The following DNAH7 variants were observed in gnomAD, a reference collection of about 807,000 sequenced individuals.
DNAH7 encodes axonemal beta dynein heavy chain 7.
Under a neutral mutation model 444.6 loss-of-function variants are expected in DNAH7, and 397 were observed. The observed-to-expected ratio is 0.89, with a 90% CI of 0.82 to 0.97. The LOEUF is 0.97. DNAH7 is among the 50% of genes least tolerant of loss of function. The pLI, the probability that DNAH7 is intolerant of heterozygous loss-of-function variation, is 0.00. For synonymous variants in DNAH7, 1,636 were observed against 1,624.4 expected (o/e 1.01, Z -0.17); for missense variants, 4,902 against 4,800.8 (o/e 1.02, Z -0.62).
rs752264334 is a variant in DNAH7, at chr2:195,845,164, T to C, written c.8783A>G (p.Asn2928Ser). The C allele has an allele frequency of 1.5e-4, 235 of 1,606,064 alleles. No homozygotes were observed. The highest frequency in any genetic ancestry group is 2.0e-4 in the Non-Finnish European group (231 of 1,177,102). The change falls in exon 47 of 65, where the codon AAT becomes AGT. Residue 2928 changes from asparagine to serine, a missense_variant and splice_region_variant. By Grantham distance (46) the Asn-to-Ser change is conservative (BLOSUM62 1). Transcript: ENST00000312428. Reference sequence around the variant, plus strand: ...CAAAGTTGTCCACTCTTTAGTTTGATTCTTTAGAACATCCACAGAAAGATA... The same window carrying C: ...CAAAGTTGTCCACTCTTTAGTTTGACTCTTTAGAACATCCACAGAAAGATA... The part of the protein sequence containing the change: ...LGAFTSTYRQ[N>S]QTKEWTTLCK...
intron 46 of DNAH7, among the ~76,000 whole-genome samples, chr2:195,852,915 C>CAGAG (rs201538951): frequency 1.4e-3 from 116 of 84,690 alleles, no homozygotes; most frequent in Middle Eastern, 7.0e-3. Context: ...CACACACACA[C>CAGAG]AGAGAGAGAG....
At chr2:196,061,979 C>T (rs989063279) in intron 1 of DNAH7, among the ~76,000 whole-genome samples, 22 of 152,320 alleles carry the variant, frequency 1.4e-4, no homozygotes, top group African/African-American at 5.3e-4. Flanking sequence ...ATCTACCTAA[C>T]AGCCTAGTCT....
chr2:195,963,379 C>G (rs1446519430), intron 17 of DNAH7, among the ~76,000 whole-genome samples: 3 of 152,164 alleles, frequency 2.0e-5, no homozygotes, highest in Admixed American at 6.5e-5. Context: ...GAACACCTTT[C>G]CAAATGTCTA....
intron 24 of DNAH7, among the ~76,000 whole-genome samples, chr2:195,917,788 A>G (rs1438789777): frequency 1.3e-5 from 2 of 152,196 alleles, no homozygotes; most frequent in South Asian, 2.1e-4. Context: ...CAATGTAGCT[A>G]GGACTAAAGG....
chr2:196,066,973 T>A (rs536477957), intron 1 of DNAH7, among the ~76,000 whole-genome samples: 3 of 152,116 alleles, frequency 2.0e-5, no homozygotes, highest in Non-Finnish European at 4.4e-5. Flanking sequence ...ACCAAAACAG[T>A]GATAGAGGGC....
At chr2:195,989,286 C>T (rs1469118462) in intron 12 of DNAH7, among the ~76,000 whole-genome samples, 1 of 152,194 alleles carries the variant, frequency 6.6e-6, no homozygotes. Context: ...ATTGGCTGCA[C>T]TCATTTACAT....
intron 15 of DNAH7, among the ~76,000 whole-genome samples, chr2:195,975,913 G>A (rs1301608732): frequency 6.6e-6 from 1 of 152,158 alleles, no homozygotes; most frequent in Non-Finnish European, 1.5e-5. Context: ...AGGAGCAGTA[G>A]CCAGTTAGGA....
chr2:195,992,508 T>G (rs991375507), intron 12 of DNAH7, among the ~76,000 whole-genome samples: 1 of 152,190 alleles, frequency 6.6e-6, no homozygotes, highest in Non-Finnish European at 1.5e-5. Context: ...GCTTTTGTGT[T>G]TTTTTGTTTG....
rs1698907712 is a variant in DNAH7 at position 195,845,113 on chromosome 2, G to A, written c.8834C>T (p.Ser2945Leu). 10 of 1,613,750 alleles carry A rather than the reference G, an allele frequency of 6.2e-6. No homozygotes were observed. Among genetic ancestry groups the A allele is most frequent in the Non-Finnish European group, 8.5e-6 (10 of 1,179,832 alleles). Reference protein sequence around the residue: ...TLCKGRDIPCSDDCSLMGTLG... With the variant: ...TLCKGRDIPCLDDCSLMGTLG... ...GGTACCCATAAGAGAGCAATCATCTGAGCAGGGGATATCTCTTCCTTTGCA... is the reference window on the plus strand; with the variant it reads ...GGTACCCATAAGAGAGCAATCATCTAAGCAGGGGATATCTCTTCCTTTGCA... The change falls in exon 47 of 65, where the codon TCA becomes TTA. Residue 2945 changes from serine (S) to leucine (L), a missense_variant. Physicochemically the swap from Ser to Leu is moderately radical, Grantham distance 145. Transcript: ENST00000312428.
chr2:196,000,595 CATT>C (rs1693973599), intron 12 of DNAH7, 106 bp downstream of exon 12: 1 of 952,386 alleles, frequency 1.0e-6, no homozygotes, highest in Non-Finnish European at 1.4e-6. Flanking sequence ...TATAAGCCAA[CATT>C]ATTATATTCT....
chr2:195,771,638 T>C, intron 61 of DNAH7, 22 bp downstream of exon 61: 1 of 1,553,664 alleles, frequency 6.4e-7, no homozygotes, highest in Non-Finnish European at 8.9e-7. Context: ...ATGGGGGTTT[T>C]TTTTGGTGTT....
chr2:196,045,083 G>A (rs999231942), intron 5 of DNAH7, among the ~76,000 whole-genome samples: 2 of 150,984 alleles, frequency 1.3e-5, no homozygotes, highest in African/African-American at 4.9e-5. Context: ...GAGAGGGAGA[G>A]AAGAAAAGAA....
At chr2:195,834,516 G>A (rs762387402) in intron 47 of DNAH7, 156 bp from the exon 48 acceptor site, 48 of 765,094 alleles carry the variant, frequency 6.3e-5, no homozygotes, top group Middle Eastern at 4.1e-4. Flanking sequence ...AAACAGAGAC[G>A]TGTAGATTGA....
intron 46 of DNAH7, 54 bp from the exon 47 acceptor site, chr2:195,845,219 A>G: frequency 6.9e-7 from 1 of 1,453,890 alleles, no homozygotes; most frequent in Non-Finnish European, 9.4e-7. Flanking sequence ...TATCAAAAGC[A>G]TGCTTTATAA....
Position 195,960,639 on chromosome 2 carries a change from T to C in DNAH7, c.2512A>G (p.Ile838Val), listed in dbSNP as rs868637849. 2.5e-6 allele frequency: 4 copies of C among 1,614,258 alleles called. No individual in the cohort carries two copies. The highest frequency in any genetic ancestry group is 2.7e-5 in the African/African-American group (2 of 75,068). ...RSKVEDFKQH[I>V]PLIQVICNPG... The stretch of plus-strand genomic sequence containing the variant: ...TTACAGATCACTTGAATGAGAGGAA[T>C]GTGCTGCTTGAAATCTTCCACCTTT... The change falls in exon 18 of 65, where the codon ATT becomes GTT. Residue 838 changes from isoleucine to valine, a missense_variant. By Grantham distance (29) the Ile-to-Val change is conservative. Transcript: ENST00000312428.
chr2:195,853,116 T>C (rs1699485275), intron 46 of DNAH7, among the ~76,000 whole-genome samples: 1 of 152,216 alleles, frequency 6.6e-6, no homozygotes, highest in Non-Finnish European at 1.5e-5. Context: ...TTAAAGTAGA[T>C]ATTTTTGTTT....
rs775223121 is a variant in DNAH7, at chr2:196,051,275, A to C, written c.79-26T>G. On this transcript the variant is annotated intron_variant, in intron 2 of 64. Transcript: ENST00000312428. ...CTGTGTGAAAAATATGAAGGGGAAAAAAGTGTTTACTCTGTTAGTGCTAAA... is the reference window on the plus strand; with the variant it reads ...CTGTGTGAAAAATATGAAGGGGAAACAAGTGTTTACTCTGTTAGTGCTAAA... The C allele has an allele frequency of 3.8e-6, 6 of 1,599,714 alleles. No homozygotes were observed. In the African/African-American group the frequency reaches 8.0e-5, roughly 21 times the overall value.
chr2:195,857,578 G>C lies in DNAH7; in HGVS notation c.8213C>G (p.Pro2738Arg), dbSNP rs1191789526. 6.2e-7 allele frequency: 1 copy of C among 1,613,754 alleles called. No homozygotes were observed. Among genetic ancestry groups the C allele is most frequent in the African/African-American group, 1.3e-5 (1 of 74,836 alleles). Residue 2738 changes from proline (P) to arginine (R), a missense_variant, in exon 44 of 65, where the codon CCA (proline) becomes CGA (arginine). Pro to Arg is a moderately radical substitution (Grantham distance 103). Coordinates refer to ENST00000312428, the MANE Select transcript of DNAH7 (RefSeq NM_018897.3). Reference sequence around the variant, plus strand: ...CATGTCACCAAGAAGTCTCTTAGCTGGGCCCCAGAAATCCTCAATTTTTTT... The same window carrying C: ...CATGTCACCAAGAAGTCTCTTAGCTCGGCCCCAGAAATCCTCAATTTTTTT... ...SGKKIEDFWG[P>R]AKRLLGDMRF...
intron 12 of DNAH7, chr2:195,995,046 C>T: frequency 3.9e-6 from 1 of 256,084 alleles, no homozygotes; most frequent in South Asian, 4.7e-5. Context: ...TCTCCTGCCT[C>T]AGCCTCCCGA....
Sources: allele counts gnomAD v4.1 joint callset (sites outside exome capture counted in the v4.1 genomes callset), GRCh38; gene constraint gnomAD v4.1.1; transcripts MANE v1.5; gene names NCBI Gene and HGNC (gene_info 2026-07-23, HGNC 2026-07-21).